Variants in CPNE5 observed in about 807,000 individuals in gnomAD.
CPNE5 encodes the protein copine-5.
CPNE5 carries 42 observed loss-of-function variants against 81.1 expected under a neutral mutation model. The observed-to-expected ratio is 0.52, with a 90% CI of 0.40 to 0.67. CPNE5 has a LOEUF of 0.67. Ranked by LOEUF, CPNE5 falls within the 30% of genes least tolerant of loss-of-function variation. The pLI is 0.00. For synonymous variants in CPNE5, 313 were observed against 321.5 expected, an observed-to-expected ratio of 0.97 and a Z score of 0.28; for missense variants, 612 against 815.5, an observed-to-expected ratio of 0.75 and a Z score of 3.04.
rs373847860 is a variant in CPNE5 at position 36,820,664 on chromosome 6, G to A, written c.183+1450C>T. Among the ~76,000 whole-genome samples the A allele has an allele frequency of 6.0e-4, 91 of 152,008 alleles. 1 individual carries two copies. In the South Asian group the frequency reaches 0.016, roughly 27 times the overall value. On this transcript the variant is annotated intron_variant, in intron 3 of 20. Coordinates refer to ENST00000244751, the MANE Select transcript of CPNE5 (RefSeq NM_020939.2). ...ACAAACAAGGTAAATAAGTAGCCTG[G>A]CAGGGTGGCATGTGCCTGTAATCCC...
chr6:36,746,630 C>T lies in CPNE5; in HGVS notation c.1019-53G>A, dbSNP rs1416169928. ...ACCATCTGGACCCTCCAAGTCACCCCGGGTTCAGAATGAAGAAGGGGGTGT... is the reference window on the plus strand; with the variant it reads ...ACCATCTGGACCCTCCAAGTCACCCTGGGTTCAGAATGAAGAAGGGGGTGT... On this transcript the variant is annotated intron_variant, in intron 15 of 20. Coordinates refer to ENST00000244751, the MANE Select transcript of CPNE5 (RefSeq NM_020939.2). The surrounding 1 kb of genome is among the most constrained non-coding windows in gnomAD (Gnocchi z 4.5). The T allele has an allele frequency of 6.5e-6, 10 of 1,541,742 alleles. No individual in the cohort carries two copies. Among genetic ancestry groups the T allele is most frequent in the South Asian group, 2.4e-5 (2 of 81,964 alleles).
intron 3 of CPNE5, among the ~76,000 whole-genome samples, chr6:36,810,957 G>A (rs1024875706): frequency 6.6e-6 from 1 of 152,146 alleles, no homozygotes; most frequent in Non-Finnish European, 1.5e-5. Flanking sequence ...TCCCTATCTC[G>A]CCCAGAGACC....
rs1218572824 is a variant in CPNE5 at position 36,800,021 on chromosome 6, C to T, written c.233G>A (p.Arg78His). The T allele has an allele frequency of 5.6e-6, 9 of 1,614,022 alleles. No homozygotes were observed. The highest frequency in any genetic ancestry group is 1.3e-5 in the African/African-American group (1 of 75,040). Residue 78 changes from arginine to histidine, a missense_variant, in exon 4 of 21, where the codon CGC (arginine) becomes CAC (histidine). Transcript: ENST00000244751. ...GAAAAAGTAATCCACAATGAACTTG[C>T]GCACGAAGTCAGGATTGAGCGTGTT... ...IDNTLNPDFV[R>H]KFIVDYFFEE... is the part of the protein sequence containing the mutation.
intron 5 of CPNE5, 86 bp from the exon 6 acceptor site, chr6:36,798,327 C>T (rs1242846046): frequency 1.1e-5 from 17 of 1,501,584 alleles, no homozygotes; most frequent in African/African-American, 6.9e-5. Flanking sequence ...TTCCTGGAAG[C>T]GTGAGGGCCC....
At chr6:36,830,741 A>G (rs954480049) in intron 1 of CPNE5, among the ~76,000 whole-genome samples, 25 of 152,246 alleles carry the variant, frequency 1.6e-4, no homozygotes, top group African/African-American at 5.8e-4. Context: ...CAGTTTCCTC[A>G]TCTGGGCATG....
chr6:36,742,890 C>T (rs970635080), intron 20 of CPNE5: 16 of 985,286 alleles, frequency 1.6e-5, no homozygotes, highest in Admixed American at 6.1e-5. Context: ...GGCCTCTCTT[C>T]GTTCCTTTTC....
At chr6:36,811,830 G>A (rs539043009) in intron 3 of CPNE5, among the ~76,000 whole-genome samples, 59 of 152,210 alleles carry the variant, frequency 3.9e-4, no homozygotes, top group African/African-American at 1.3e-3. Flanking sequence ...TGGGCTGGGC[G>A]CAGTGGCTCA....
At chr6:36,828,406 C>T (rs1343404637) in intron 1 of CPNE5, among the ~76,000 whole-genome samples, 1 of 150,798 alleles carries the variant, frequency 6.6e-6, no homozygotes, top group African/African-American at 2.4e-5. Flanking sequence ...CCGGTCTGAC[C>T]AGGAGACATA....
intron 3 of CPNE5, among the ~76,000 whole-genome samples, chr6:36,821,700 G>A (rs1772068293): frequency 6.6e-6 from 1 of 152,196 alleles, no homozygotes; most frequent in Non-Finnish European, 1.5e-5. Flanking sequence ...AAAGTTTTCT[G>A]AGCAGGGAAA....
intron 3 of CPNE5, among the ~76,000 whole-genome samples, chr6:36,818,252 G>A (rs151072199): frequency 0.011 from 1,748 of 152,200 alleles, 16 homozygotes; most frequent in Non-Finnish European, 0.017. Flanking sequence ...GTTGAATGTG[G>A]CCTTCTGGCT....
chr6:36,760,890 TCCTGCCCCAAACCAG>T (rs1168040138), intron 12 of CPNE5, among the ~76,000 whole-genome samples: 2 of 152,192 alleles, frequency 1.3e-5, no homozygotes, highest in Non-Finnish European at 2.9e-5. Context: ...AGCAAGGCCT[TCCTGCCCCAAACCAG>T]CCTCCCCCTG....
chr6:36,805,313 C>G (rs911592547), intron 3 of CPNE5, among the ~76,000 whole-genome samples: 1 of 152,264 alleles, frequency 6.6e-6, no homozygotes, highest in Non-Finnish European at 1.5e-5. Context: ...ACCCGTAATA[C>G]AGAGCGCAGC....
In CPNE5 at chr6:36,748,270, A is replaced by G. The variant is rs761585000; in HGVS notation, c.972-3T>C. On this transcript the variant is annotated splice_polypyrimidine_tract_variant and splice_region_variant and intron_variant, in intron 14 of 20. Coordinates refer to ENST00000244751, the MANE Select transcript of CPNE5 (RefSeq NM_020939.2). The stretch of plus-strand genomic sequence containing the variant: ...CCACAGTGAAGTTGATCTGGGTCCT[A>G]GAAGAGGGAGAACAGCAGGGGAGTC... 6.2e-7 allele frequency: 1 copy of G among 1,614,076 alleles called. No individual in the cohort carries two copies. Among genetic ancestry groups the G allele is most frequent in the Non-Finnish European group, 8.5e-7 (1 of 1,179,952 alleles).
At chr6:36,833,049 G>A (rs1008112013) in intron 1 of CPNE5, among the ~76,000 whole-genome samples, 4 of 152,138 alleles carry the variant, frequency 2.6e-5, no homozygotes, top group African/African-American at 9.7e-5. Context: ...CCCATCCCTG[G>A]GGAGAGACTG....
At chr6:36,743,788 C>G (rs370414504) in intron 19 of CPNE5, 26 bp from the exon 20 acceptor site, 1 of 1,599,112 alleles carries the variant, frequency 6.3e-7, no homozygotes, top group South Asian at 1.1e-5. Flanking sequence ...TGTCATGGGG[C>G]GGGGTGAGAT....
chr6:36,795,793 T>C (rs573559535), intron 6 of CPNE5, among the ~76,000 whole-genome samples: 1 of 152,300 alleles, frequency 6.6e-6, no homozygotes, highest in South Asian at 2.1e-4. Context: ...AGCAAAACAC[T>C]GACCCTCATG....
intron 10 of CPNE5, among the ~76,000 whole-genome samples, chr6:36,774,039 C>A (rs1767277713): frequency 1.3e-5 from 2 of 150,386 alleles, no homozygotes; most frequent in South Asian, 4.2e-4. Flanking sequence ...GAGAAAATGT[C>A]CCTTCACTCC....
rs377170181 is a variant in CPNE5, at chr6:36,756,166, A to G, written c.909+79T>C. 4.4e-5 allele frequency: 51 copies of G among 1,156,540 alleles called. No homozygotes were observed. The East Asian group carries it at 1.5e-3, about 33-fold the overall frequency. 71.6% of individuals were successfully genotyped at this position (1,156,540 alleles called of 1,614,324 possible). On this transcript the variant is annotated intron_variant, in intron 13 of 20. Coordinates refer to ENST00000244751, the MANE Select transcript of CPNE5 (RefSeq NM_020939.2). ...TCAGCCCCTGCACACACACAGACGC[A>G]CGGGCCTCCCTGATACCAGACCTAG...
At chr6:36,799,232 A>G (rs1424076189) in intron 4 of CPNE5, among the ~76,000 whole-genome samples, 3 of 151,926 alleles carry the variant, frequency 2.0e-5, no homozygotes, top group Non-Finnish European at 4.4e-5. Context: ...CCAAAATGTC[A>G]CCAGGTGACT....
Sources: gnomAD v4.1 joint callset for allele counts (sites outside exome capture counted in the v4.1 genomes callset) on GRCh38, gnomAD v4.1.1 for gene constraint, Gnocchi (gnomAD v3.1) non-coding constraint, MANE v1.5 for transcripts, NCBI Gene and HGNC (gene_info 2026-07-23, HGNC 2026-07-21) for gene names.